Variants in CNKSR2 observed in about 807,000 individuals in gnomAD.
CNKSR2 encodes the protein CNK homolog protein 2.
CNKSR2 carries 14 observed loss-of-function variants against 84.4 expected under a neutral mutation model. That is an observed-to-expected ratio of 0.17 (90% CI 0.11 to 0.26). The LOEUF is 0.26. CNKSR2 is among the 10% of genes least tolerant of loss of function. CNKSR2 has a pLI of 1.00. For synonymous variants in CNKSR2, 275 were observed against 277.9 expected, an observed-to-expected ratio of 0.99 and a Z score of 0.10; for missense variants, 485 against 771.2, an observed-to-expected ratio of 0.63 and a Z score of 4.40.
intron 11 of CNKSR2, among the ~76,000 whole-genome samples, chrX:21,541,956 T>C (rs1246359125): frequency 8.9e-6 from 1 of 111,899 alleles, no homozygotes; most frequent in Non-Finnish European, 1.9e-5. Flanking sequence ...CATTCCTCGT[T>C]CTAAATTCAA....
intron 8 of CNKSR2, chrX:21,504,070 G>A (rs953721271): frequency 4.5e-5 from 5 of 110,850 alleles, no homozygotes; most frequent in African/African-American, 1.6e-4. Flanking sequence ...TTGTGTTCAA[G>A]TAGAGGCATA....
chrX:21,481,952 A>C (rs2091324469), intron 5 of CNKSR2, among the ~76,000 whole-genome samples: 1 of 111,705 alleles, frequency 9.0e-6, no homozygotes, highest in Admixed American at 9.5e-5. Flanking sequence ...GAATACAGCC[A>C]AGTTGACAGC....
intron 8 of CNKSR2, chrX:21,503,411 G>A (rs2091579250): frequency 3.5e-6 from 1 of 287,157 alleles, no homozygotes; most frequent in African/African-American, 2.8e-5. Context: ...TGTTCTTACA[G>A]TGTGCCAAGC....
intron 13 of CNKSR2, among the ~76,000 whole-genome samples, chrX:21,566,628 T>C (rs2092240763): frequency 8.9e-6 from 1 of 111,966 alleles, no homozygotes; most frequent in Admixed American, 9.5e-5. Context: ...ACTAGCTCTA[T>C]GTAATCTAAA....
At chrX:21,499,945 G>T (rs754169021) in intron 7 of CNKSR2, among the ~76,000 whole-genome samples, 1 of 110,513 alleles carries the variant, frequency 9.0e-6, no homozygotes, top group Non-Finnish European at 1.9e-5. Flanking sequence ...CCATTTGCTC[G>T]ATATTTTTTC....
chrX:21,448,532 G>A (rs1417493088), intron 4 of CNKSR2, among the ~76,000 whole-genome samples: 1 of 111,333 alleles, frequency 9.0e-6, no homozygotes, highest in African/African-American at 3.3e-5. Flanking sequence ...ACATGACATA[G>A]ATTTTCATAC....
intron 4 of CNKSR2, among the ~76,000 whole-genome samples, 188 bp from the exon 5 acceptor site, chrX:21,470,578 C>T (rs1225132902): frequency 9.1e-6 from 1 of 110,200 alleles, no homozygotes; most frequent in African/African-American, 3.3e-5. Context: ...TAAGGATAGC[C>T]TCTGTTACTG....
chrX:21,415,052 T>C (rs1214621673), intron 1 of CNKSR2, among the ~76,000 whole-genome samples: 3 of 112,161 alleles, frequency 2.7e-5, no homozygotes, highest in African/African-American at 9.7e-5. Flanking sequence ...TGATTCCATA[T>C]ACATTTTAGG....
chrX:21,388,781 C>CT (rs1364781076), intron 1 of CNKSR2, among the ~76,000 whole-genome samples: 2 of 111,236 alleles, frequency 1.8e-5, no homozygotes, highest in East Asian at 5.7e-4. Context: ...AGAGGTGGCA[C>CT]TTAAATCCCC....
chrX:21,419,319 C>A (rs2090463196), intron 1 of CNKSR2, among the ~76,000 whole-genome samples: 1 of 110,846 alleles, frequency 9.0e-6, no homozygotes, highest in Non-Finnish European at 1.9e-5. Context: ...CTTGAAATTT[C>A]TTTAAGTTTC....
intron 5 of CNKSR2, among the ~76,000 whole-genome samples, chrX:21,472,223 GTGAC>G (rs772445031): frequency 9.5e-4 from 106 of 111,931 alleles, no homozygotes; most frequent in Non-Finnish European, 1.6e-3. Flanking sequence ...TTTTCTGTGA[GTGAC>G]TGTTTCTTTA....
chrX:21,647,581 C>T (rs186119802), intron 20 of CNKSR2, among the ~76,000 whole-genome samples: 50 of 111,713 alleles, frequency 4.5e-4, no homozygotes, highest in East Asian at 3.4e-3. Context: ...ATTCTAGCTC[C>T]GCCACTTACT....
At chrX:21,413,858 A>G (rs147862725) in intron 1 of CNKSR2, among the ~76,000 whole-genome samples, 80 of 111,206 alleles carry the variant, frequency 7.2e-4, no homozygotes, top group African/African-American at 2.6e-3. Flanking sequence ...CTGTTGATGG[A>G]CACAAGTTGC....
intron 20 of CNKSR2, among the ~76,000 whole-genome samples, chrX:21,614,133 G>A (rs778094965): frequency 9.0e-6 from 1 of 111,119 alleles, no homozygotes; most frequent in South Asian, 3.8e-4. Context: ...GCTAGATTAT[G>A]AGTACAAATA....
At chrX:21,439,707 C>G (rs939688825) in intron 3 of CNKSR2, among the ~76,000 whole-genome samples, 3 of 110,260 alleles carry the variant, frequency 2.7e-5, no homozygotes, top group African/African-American at 9.8e-5. Flanking sequence ...AGAAACGGTA[C>G]TAAAACAACC....
At chrX:21,452,152 G>T (rs927600510) in intron 4 of CNKSR2, among the ~76,000 whole-genome samples, 1 of 111,592 alleles carries the variant, frequency 9.0e-6, no homozygotes. Flanking sequence ...GTGCAGTGGC[G>T]CAATCTCGGC....
intron 5 of CNKSR2, among the ~76,000 whole-genome samples, chrX:21,477,852 A>G (rs985617820): frequency 5.4e-5 from 6 of 112,087 alleles, no homozygotes; most frequent in Middle Eastern, 4.6e-3. Context: ...TTTCTTGAAA[A>G]CAATGGTACT....
intron 5 of CNKSR2, among the ~76,000 whole-genome samples, chrX:21,471,146 T>C (rs2091193055): frequency 8.9e-6 from 1 of 112,066 alleles, no homozygotes; most frequent in Non-Finnish European, 1.9e-5. Flanking sequence ...TTCTGTTCTA[T>C]AATGGGTAAT....
At chrX:21,606,376 AT>A (rs1466985182) in intron 18 of CNKSR2, among the ~76,000 whole-genome samples, 1 of 111,870 alleles carries the variant, frequency 8.9e-6, no homozygotes, top group Non-Finnish European at 1.9e-5. Flanking sequence ...CAATGTATGT[AT>A]TGCTTTTCTT....
Sources: gnomAD v4.1 joint callset for allele counts (sites outside exome capture counted in the v4.1 genomes callset) on GRCh38, gnomAD v4.1.1 for gene constraint, MANE v1.5 for transcripts, NCBI Gene and HGNC (gene_info 2026-07-23, HGNC 2026-07-21) for gene names.